EEF1D: variants seen among roughly 807,000 people sequenced by gnomAD.
The protein encoded by EEF1D is elongation factor 1-delta.
In EEF1D, 47 loss-of-function variants were observed where a neutral mutation model predicts 63.9. The observed-to-expected ratio is 0.74, with a 90% CI of 0.58 to 0.94. The LOEUF (loss-of-function observed/expected upper bound fraction) is 0.94. Ranked by LOEUF, EEF1D falls within the 40% of genes least tolerant of loss-of-function variation. The pLI is 0.00. For synonymous variants in EEF1D, 412 were observed against 386.1 expected (o/e 1.07, Z -0.79); for missense variants, 907 against 899.0 (o/e 1.01, Z -0.11).
At chr8:143,596,486 G>C (rs187026734) in intron 1 of EEF1D, 1 of 152,514 alleles carries the variant, frequency 6.6e-6, no homozygotes, top group East Asian at 1.9e-4. Flanking sequence ...GCTGCTTAAG[G>C]CTCATGGGGT....
At chr8:143,590,311 G>A in intron 2 of EEF1D, 1 of 687,736 alleles carries the variant, frequency 1.5e-6, no homozygotes. Flanking sequence ...GGGCGCAGTG[G>A]CTCATGCCTG....
chr8:143,592,594 G>A, intron 2 of EEF1D, 53 bp downstream of exon 2: 1 of 984,968 alleles, frequency 1.0e-6, no homozygotes, highest in Non-Finnish European at 1.2e-6. Flanking sequence ...GAGGGCTGGG[G>A]GTTCCCCGGT....
chr8:143,593,937 AGAC>A (rs1487135789), intron 1 of EEF1D: 1 of 985,262 alleles, frequency 1.0e-6, no homozygotes, highest in African/African-American at 1.7e-5. Context: ...AAGCTTGCGC[AGAC>A]GACAGGCACG....
chr8:143,584,955 A>G (rs1300260344), intron 5 of EEF1D, among the ~76,000 whole-genome samples: 1 of 152,110 alleles, frequency 6.6e-6, no homozygotes, highest in Non-Finnish European at 1.5e-5. Flanking sequence ...TGGTCCACAG[A>G]TGGAGAGGAA....
At chr8:143,592,832 C>T (rs1828200001) in intron 1 of EEF1D, 172 bp from the exon 2 acceptor site, 3 of 324,310 alleles carry the variant, frequency 9.3e-6, no homozygotes, top group African/African-American at 2.2e-5. Flanking sequence ...CAGACAGACC[C>T]GCCGCCACCA....
chr8:143,588,815 A>G, intron 3 of EEF1D, 176 bp downstream of exon 3: 1 of 862,354 alleles, frequency 1.2e-6, no homozygotes, highest in Non-Finnish European at 1.7e-6. Flanking sequence ...GGAACCCACA[A>G]GCGCAGCACC....
intron 5 of EEF1D, among the ~76,000 whole-genome samples, chr8:143,585,380 G>C (rs1044901011): frequency 9.2e-5 from 14 of 152,190 alleles, no homozygotes; most frequent in African/African-American, 3.4e-4. Context: ...CCAGAATCTG[G>C]GAGAGGCAAA....
In EEF1D at chr8:143,580,161, A is replaced by G; in HGVS notation, c.1756T>C (p.Ser586Pro). The G allele has an allele frequency of 6.2e-7, 1 of 1,613,720 alleles. No individual in the cohort carries two copies. The change falls in exon 9 of 10, where the codon TCT becomes CCT. Residue 586 changes from serine to proline, a missense_variant. Coordinates refer to ENST00000618139, the MANE Select transcript of EEF1D (RefSeq NM_001130053.5). The part of the protein sequence containing the change: ...DMAQLEACVR[S>P]IQLDGLVWGA... ...CAGACCAGCCCGTCCAGCTGGATAG[A>G]GCGCACACAGGCCTCCAGCTGGGCC...
intron 6 of EEF1D, 31 bp from the exon 7 acceptor site, chr8:143,581,185 G>A (rs772795677): frequency 5.0e-6 from 8 of 1,612,558 alleles, no homozygotes; most frequent in South Asian, 1.1e-5. Context: ...CGGTTAGATG[G>A]CAGGGGCCAG....
rs764149671 is a variant in EEF1D at position 143,589,232 on chromosome 8, A to G, written c.850T>C (p.Leu284=). Residue 284 remains leucine, a synonymous_variant, in exon 3 of 10, where the codon TTA becomes CTA. Transcript: ENST00000618139. ...CGCAGCCCGGCCCGCTTGTTCCCTA[A>G]GATGTTGCGGCCCCGCCGGTCTCTG... ...GRRDRRGRNI[L]GNKRAGLRRA... The G allele has an allele frequency of 5.1e-6, 8 of 1,573,342 alleles. No homozygotes were observed. The African/African-American group carries it at 1.1e-4, about 21-fold the overall frequency.
intron 2 of EEF1D, chr8:143,592,204 G>A: frequency 1.0e-6 from 1 of 985,498 alleles, no homozygotes. Context: ...CAGTCTCTCT[G>A]CTCCCATGGA....
At chr8:143,583,227 G>A (rs927914781) in intron 5 of EEF1D, 1 of 152,276 alleles carries the variant, frequency 6.6e-6, no homozygotes, top group African/African-American at 2.4e-5. Context: ...GAGGCCTCAG[G>A]AGAAACCAGC....
intron 3 of EEF1D, chr8:143,587,090 T>G (rs1311262725): frequency 4.9e-6 from 2 of 406,738 alleles, no homozygotes; most frequent in African/African-American, 2.1e-5. Context: ...GCCCTTCCCT[T>G]TCACTCACAC....
In EEF1D at chr8:143,579,759, T is replaced by TCACG. The variant is rs1245671625; in HGVS notation, c.*29_*32dup. 1 of 1,519,802 alleles carries TCACG rather than the reference T, an allele frequency of 6.6e-7. No individual in the cohort carries two copies. Among genetic ancestry groups the TCACG allele is most frequent in the Non-Finnish European group, 8.8e-7 (1 of 1,132,250 alleles). The allele number at this position is 1,519,802 out of a possible 1,614,324, so 94.1% of individuals were successfully genotyped here. A position where few individuals can be genotyped will look rare whatever the true frequency, so the allele number is the denominator to read the frequency against. On this transcript the variant is annotated 3_prime_UTR_variant, in exon 10 of 10. Transcript: ENST00000618139. Reference sequence around the variant, plus strand: ...CTCAGTCTTTAATCGTGGCAGGGCCTCACGCACGCGCGCACGTACACACAC... The same window carrying TCACG: ...CTCAGTCTTTAATCGTGGCAGGGCCTCACGCACGCACGCGCGCACGTACACACAC...
intron 2 of EEF1D, chr8:143,590,619 C>G (rs932933691): frequency 2.9e-6 from 3 of 1,020,618 alleles, no homozygotes. Context: ...AAAGAAGGAG[C>G]CTCGGCCAGG....
rs1291660337 is a variant in EEF1D, at chr8:143,586,284, C to T, written c.1222G>A (p.Gly408Ser). ...ATGTCACGGAGGATCACGCTGGCGC[C>T]GTTCTCCTGCAGACAGTGCAGAAAG... ...PVAGASRQEN[G>S]ASVILRDIAR... The change falls in exon 5 of 10, where the codon GGC becomes AGC. Residue 408 changes from glycine to serine, a missense_variant. Physicochemically the swap from Gly to Ser is moderately conservative, Grantham distance 56 (BLOSUM62 0). Transcript: ENST00000618139. The T allele has an allele frequency of 5.0e-6, 8 of 1,603,198 alleles. No homozygotes were observed. In the East Asian group the frequency reaches 6.7e-5, roughly 14 times the overall value.
Position 143,589,617 on chromosome 8 carries a change from G to C in EEF1D, c.465C>G (p.Ala155=), listed in dbSNP as rs150876508. The part of the protein sequence containing the change: ...WGLCTHGNQV[A]CHHVTWGIWV... ...AGATCCCCCAGGTCACGTGGTGGCAGGCCACCTGGTTTCCATGGGTGCAGA... is the reference window on the plus strand; with the variant it reads ...AGATCCCCCAGGTCACGTGGTGGCACGCCACCTGGTTTCCATGGGTGCAGA... The change falls in exon 3 of 10, where the codon GCC becomes GCG. Residue 155 remains alanine (A), a synonymous_variant. Transcript: ENST00000618139. 6.7e-5 allele frequency: 103 copies of C among 1,534,190 alleles called. No individual in the cohort carries two copies. The African/African-American group carries it at 1.3e-3, about 19-fold the overall frequency.
chr8:143,589,183 G>C lies in EEF1D; in HGVS notation c.899C>G (p.Ser300Cys). The change falls in exon 3 of 10, where the codon TCT becomes TGT. Residue 300 changes from serine to cysteine, a missense_variant. Physicochemically the swap from Ser to Cys is moderately radical, Grantham distance 112 (BLOSUM62 -1). Transcript: ENST00000618139. ...CAGGAAGTAACAGTAGGGCAAGGCA[G>C]AGGGGGCCTCCCCATCGGCCCGTCG... ...GLRRADGEAPSALPYCYFLQK... is the reference protein window; with the variant it reads ...GLRRADGEAPCALPYCYFLQK... 1 of 1,598,822 alleles carries C rather than the reference G, an allele frequency of 6.3e-7. No homozygotes were observed. The highest frequency in any genetic ancestry group is 1.1e-5 in the South Asian group (1 of 89,716).
At chr8:143,585,258 G>A (rs1405291545) in intron 5 of EEF1D, among the ~76,000 whole-genome samples, 1 of 152,144 alleles carries the variant, frequency 6.6e-6, no homozygotes, top group Non-Finnish European at 1.5e-5. Context: ...CAAGAACCAC[G>A]TAAGTGACAG....
Sources: allele counts gnomAD v4.1 joint callset (sites outside exome capture counted in the v4.1 genomes callset), GRCh38; gene constraint gnomAD v4.1.1; transcripts MANE v1.5; gene names NCBI Gene and HGNC (gene_info 2026-07-23, HGNC 2026-07-21).